BACH2: variants seen among roughly 807,000 people sequenced by gnomAD.
BACH2 encodes the protein transcription regulator protein BACH2.
Under a neutral mutation model 61.8 loss-of-function variants are expected in BACH2, and 5 were observed. The ratio of observed to expected loss-of-function variants is 0.08; its 90% CI spans 0.04 to 0.17. BACH2 has a LOEUF of 0.17. BACH2 is among the 10% of genes least tolerant of loss of function. The pLI, the probability that BACH2 is intolerant of heterozygous loss-of-function variation, is 1.00. For missense variants in BACH2, 824 were observed against 1,091.1 expected, an observed-to-expected ratio of 0.76 and a Z score of 3.45; for synonymous variants, 446 against 440.1, an observed-to-expected ratio of 1.01 and a Z score of -0.17.
chr6:89,930,977 T>A lies in BACH2; in HGVS notation c.*1431A>T, dbSNP rs1222402967. The stretch of plus-strand genomic sequence containing the variant: ...AGGACCTTCGGGGCTGTGATTCAAA[T>A]CCCCTCAGGCCAGATGTCCTGGGAG... On this transcript the variant is annotated 3_prime_UTR_variant, in exon 9 of 9. Transcript: ENST00000257749. 1 of 152,256 alleles carries A rather than the reference T, an allele frequency of 6.6e-6. No individual in the cohort carries two copies. Among genetic ancestry groups the A allele is most frequent in the Non-Finnish European group, 1.5e-5 (1 of 68,042 alleles). The allele number at this position is 152,256 out of a possible 1,614,324, so 9.4% of individuals were successfully genotyped here. A position where few individuals can be genotyped will look rare whatever the true frequency, so the allele number is the denominator to read the frequency against.
chr6:90,196,124 G>A (rs1215003740), intron 4 of BACH2, among the ~76,000 whole-genome samples: 1 of 151,400 alleles, frequency 6.6e-6, no homozygotes, highest in Non-Finnish European at 1.5e-5. Flanking sequence ...TTCAATGCAA[G>A]TACTTTTTTT....
chr6:90,247,304 T>A (rs755957419), intron 3 of BACH2, among the ~76,000 whole-genome samples: 1 of 151,572 alleles, frequency 6.6e-6, no homozygotes, highest in East Asian at 1.9e-4. Flanking sequence ...GTGGTCATCA[T>A]AGCTCATTGC....
At chr6:90,228,296 C>T (rs897420948) in intron 3 of BACH2, among the ~76,000 whole-genome samples, 2 of 152,208 alleles carry the variant, frequency 1.3e-5, no homozygotes, top group African/African-American at 4.8e-5. Context: ...TTAAACACTA[C>T]AGGCACATCA....
chr6:90,058,041 C>T (rs1714995395), intron 5 of BACH2, among the ~76,000 whole-genome samples: 1 of 152,186 alleles, frequency 6.6e-6, no homozygotes, highest in African/African-American at 2.4e-5. Flanking sequence ...AAACTGGAAG[C>T]ATTCCCTTTG....
intron 5 of BACH2, among the ~76,000 whole-genome samples, chr6:90,017,418 C>T (rs1157336564): frequency 1.3e-5 from 2 of 152,058 alleles, no homozygotes; most frequent in African/African-American, 4.8e-5. Context: ...GACAGGGTTT[C>T]ACCATGTTGG....
chr6:90,045,113 C>T (rs1241472400), intron 5 of BACH2, among the ~76,000 whole-genome samples: 1 of 152,188 alleles, frequency 6.6e-6, no homozygotes, highest in Non-Finnish European at 1.5e-5. Context: ...TCTGACTCTA[C>T]AGAGACTGGA....
At chr6:90,199,868 C>T (rs528012764) in intron 4 of BACH2, among the ~76,000 whole-genome samples, 11 of 152,342 alleles carry the variant, frequency 7.2e-5, no homozygotes, top group African/African-American at 2.2e-4. Context: ...AGGGCACTCA[C>T]TGACCAGGAC....
chr6:90,117,723 TAG>T (rs1783461924), intron 4 of BACH2, among the ~76,000 whole-genome samples: 4 of 152,186 alleles, frequency 2.6e-5, no homozygotes, highest in Admixed American at 2.0e-4. Context: ...CAGGTAATTC[TAG>T]AGAGTGTATA....
intron 4 of BACH2, among the ~76,000 whole-genome samples, chr6:90,179,284 G>A (rs1181700907): frequency 6.6e-6 from 1 of 152,034 alleles, no homozygotes; most frequent in Non-Finnish European, 1.5e-5. Context: ...AGATTTTAAT[G>A]ACGAAACAAG....
Position 89,928,288 on chromosome 6 carries a change from C to T in BACH2, c.*4120G>A, listed in dbSNP as rs1041393512. The T allele has an allele frequency of 1.3e-5, 2 of 152,256 alleles. No homozygotes were observed. Among genetic ancestry groups the T allele is most frequent in the African/African-American group, 2.4e-5 (1 of 41,414 alleles). The allele number at this position is 152,256 out of a possible 1,614,324, so 9.4% of individuals were successfully genotyped here. A position where few individuals can be genotyped will look rare whatever the true frequency, so the allele number is the denominator to read the frequency against. On this transcript the variant is annotated 3_prime_UTR_variant, in exon 9 of 9. Transcript: ENST00000257749. ...AAGACAGCTCCTAGTTTAAATGGGG[C>T]ATAATGTAGAGAAGTAGGTAGCCAA...
chr6:90,051,700 G>A (rs1038527682), intron 5 of BACH2, among the ~76,000 whole-genome samples: 3 of 151,168 alleles, frequency 2.0e-5, no homozygotes, highest in Non-Finnish European at 4.4e-5. Context: ...TTTCTCATTC[G>A]TCTTTTTTTT....
intron 2 of BACH2, among the ~76,000 whole-genome samples, chr6:90,263,389 T>C (rs1280667767): frequency 6.6e-6 from 1 of 152,200 alleles, no homozygotes; most frequent in Non-Finnish European, 1.5e-5. Flanking sequence ...TTTAAAAAAT[T>C]TGAAAAATAA....
At chr6:89,945,930 T>C (rs1205832963) in intron 7 of BACH2, among the ~76,000 whole-genome samples, 2 of 144,850 alleles carry the variant, frequency 1.4e-5, no homozygotes, top group Non-Finnish European at 3.1e-5. Context: ...ATGTGACTTG[T>C]TCATTTTTTT....
At chr6:90,263,777 T>C (rs1182470648) in intron 2 of BACH2, among the ~76,000 whole-genome samples, 8 of 152,206 alleles carry the variant, frequency 5.3e-5, no homozygotes, top group Non-Finnish European at 1.2e-4. Context: ...AGGACTCCCA[T>C]GTTTACACTA....
chr6:90,090,428 A>T (rs1384793653), intron 4 of BACH2, among the ~76,000 whole-genome samples: 2 of 152,018 alleles, frequency 1.3e-5, no homozygotes, highest in Admixed American at 6.6e-5. Context: ...ACCAATTTAT[A>T]TTTTTTTTCA....
chr6:90,199,898 T>C (rs997085021), intron 4 of BACH2, among the ~76,000 whole-genome samples: 1 of 152,240 alleles, frequency 6.6e-6, no homozygotes, highest in Non-Finnish European at 1.5e-5. Context: ...AGATTCTTGT[T>C]AGAGGAAAGC....
chr6:90,075,608 A>C (rs929339310), intron 5 of BACH2, among the ~76,000 whole-genome samples: 1 of 152,160 alleles, frequency 6.6e-6, no homozygotes, highest in East Asian at 1.9e-4. Context: ...AAAGAAAAAA[A>C]GTCAAATCCA....
chr6:90,133,516 T>TTTTTA (rs1267470948), intron 4 of BACH2, among the ~76,000 whole-genome samples: 2 of 152,078 alleles, frequency 1.3e-5, no homozygotes, highest in Non-Finnish European at 2.9e-5. Flanking sequence ...AAGCATTTTC[T>TTTTTA]TTTTATTTTA....
At chr6:90,010,036 C>G (rs1322608498) in intron 5 of BACH2, among the ~76,000 whole-genome samples, 1 of 152,180 alleles carries the variant, frequency 6.6e-6, no homozygotes, top group Non-Finnish European at 1.5e-5. Flanking sequence ...GTAATGTTTG[C>G]TAGAGTAGTA....
Sources: allele counts gnomAD v4.1 joint callset (sites outside exome capture counted in the v4.1 genomes callset), GRCh38; gene constraint gnomAD v4.1.1; transcripts MANE v1.5; gene names NCBI Gene and HGNC (gene_info 2026-07-23, HGNC 2026-07-21).